Variants in RIMS2 observed in about 807,000 individuals in gnomAD.
RIMS2 encodes the protein regulating synaptic membrane exocytosis 2.
A neutral mutation model predicts 174.4 loss-of-function variants in RIMS2; 59 were observed. The ratio of observed to expected loss-of-function variants is 0.34; its 90% confidence interval spans 0.27 to 0.42. The LOEUF (loss-of-function observed/expected upper bound fraction) is 0.42. Among genes scored for constraint, RIMS2 ranks in the 10% least tolerant of loss-of-function variants. RIMS2 has a pLI of 1.00. For synonymous variants in RIMS2, 606 were observed against 572.5 expected (o/e 1.06, Z -0.84); for missense variants, 1,620 against 1,666.3 (o/e 0.97, Z 0.48).
At chr8:103,851,207 A>G (rs1175164245) in intron 3 of RIMS2, among the ~76,000 whole-genome samples, 1 of 151,948 alleles carries the variant, frequency 6.6e-6, no homozygotes, top group Non-Finnish European at 1.5e-5. Context: ...ACAGTTATAT[A>G]TCTAGTTTTC....
At chr8:104,220,106 C>A (rs1396597184) in intron 19 of RIMS2, among the ~76,000 whole-genome samples, 1 of 152,114 alleles carries the variant, frequency 6.6e-6, no homozygotes, top group Admixed American at 6.5e-5. Flanking sequence ...TCATTCAAGA[C>A]TAGAAGTCTC....
intron 1 of RIMS2, among the ~76,000 whole-genome samples, chr8:103,611,260 CT>C (rs1420823097): frequency 1.3e-5 from 2 of 151,898 alleles, no homozygotes; most frequent in African/African-American, 4.8e-5. Flanking sequence ...CTCTTTATGT[CT>C]TATTATACTA....
At position 103,706,077 on chromosome 8, in the gene RIMS2, G is replaced by C. The variant is rs2097221617; in HGVS notation, c.387+8781G>C. 4.6e-5 allele frequency among the ~76,000 whole-genome samples: 7 copies of C among 151,442 alleles called. No individual in the cohort carries two copies. In the South Asian group the frequency reaches 1.5e-3, roughly 32 times the overall value. On this transcript the variant is annotated intron_variant, in intron 2 of 23. Transcript: ENST00000504942. ...TTTTATTTTTAGTGGACCTATTATA[G>C]GTATTTCTTCGTCGTTTCTATTAGC...
At chr8:104,089,839 T>C (rs963615899) in intron 19 of RIMS2, among the ~76,000 whole-genome samples, 1 of 151,790 alleles carries the variant, frequency 6.6e-6, no homozygotes, top group African/African-American at 2.4e-5. Flanking sequence ...GTATTTTGAA[T>C]ATATTATTTT....
intron 1 of RIMS2, among the ~76,000 whole-genome samples, chr8:103,647,285 A>G (rs2096356899): frequency 6.6e-6 from 1 of 152,062 alleles, no homozygotes; most frequent in Non-Finnish European, 1.5e-5. Flanking sequence ...CATCAAGGAC[A>G]TTGCCTGAAG....
chr8:103,517,852 G>A (rs1432212231), intron 1 of RIMS2, among the ~76,000 whole-genome samples: 4 of 151,874 alleles, frequency 2.6e-5, no homozygotes, highest in African/African-American at 9.7e-5. Context: ...GGCTTCCCTA[G>A]GCCACACTGG....
chr8:103,636,915 C>T (rs540996518), intron 1 of RIMS2, among the ~76,000 whole-genome samples: 6 of 151,880 alleles, frequency 4.0e-5, no homozygotes, highest in African/African-American at 1.4e-4. Flanking sequence ...AAAGTTCTCA[C>T]CCAAGTTCTC....
intron 2 of RIMS2, among the ~76,000 whole-genome samples, chr8:103,743,053 C>T (rs187546527): frequency 6.6e-6 from 1 of 152,092 alleles, no homozygotes; most frequent in Non-Finnish European, 1.5e-5. Flanking sequence ...TCCTTTTATG[C>T]CCTCTTCCAA....
At chr8:103,582,001 G>A (rs551908810) in intron 1 of RIMS2, among the ~76,000 whole-genome samples, 1 of 152,340 alleles carries the variant, frequency 6.6e-6, no homozygotes, top group South Asian at 2.1e-4. Context: ...AGGCTACACA[G>A]CTTGTGGCTC....
chr8:103,783,814 C>T (rs1443945322), intron 3 of RIMS2, among the ~76,000 whole-genome samples: 2 of 150,968 alleles, frequency 1.3e-5, no homozygotes, highest in Non-Finnish European at 3.0e-5. Flanking sequence ...AATGGTATTT[C>T]CAGTTCTAGA....
intron 2 of RIMS2, among the ~76,000 whole-genome samples, chr8:103,755,676 A>T (rs1226281180): frequency 6.6e-6 from 1 of 151,596 alleles, no homozygotes; most frequent in Non-Finnish European, 1.5e-5. Context: ...CATTGAGTTG[A>T]TCTTCAATCT....
chr8:103,794,673 T>C (rs1172253322), intron 3 of RIMS2, among the ~76,000 whole-genome samples: 1 of 152,002 alleles, frequency 6.6e-6, no homozygotes, highest in Non-Finnish European at 1.5e-5. Flanking sequence ...AAAATTTTTA[T>C]AATCTACCCT....
chr8:104,043,064 A>C (rs1426951541), intron 19 of RIMS2, among the ~76,000 whole-genome samples: 1 of 151,692 alleles, frequency 6.6e-6, no homozygotes, highest in Non-Finnish European at 1.5e-5. Flanking sequence ...AAAGGGGTAC[A>C]ATCAGCAGAG....
chr8:103,861,882 T>A (rs2099060853), intron 3 of RIMS2, among the ~76,000 whole-genome samples: 1 of 152,082 alleles, frequency 6.6e-6, no homozygotes, highest in Non-Finnish European at 1.5e-5. Flanking sequence ...TAGATATTAG[T>A]CCTTTGTCAG....
chr8:104,042,309 G>A (rs986324837), intron 19 of RIMS2, among the ~76,000 whole-genome samples: 4 of 151,452 alleles, frequency 2.6e-5, no homozygotes, highest in Non-Finnish European at 5.9e-5. Context: ...CAAGTTTGGC[G>A]AAAGTAGGCA....
intron 1 of RIMS2, among the ~76,000 whole-genome samples, chr8:103,604,540 G>T (rs367576581): frequency 1.1e-4 from 16 of 149,876 alleles, no homozygotes; most frequent in Non-Finnish European, 1.8e-4. Flanking sequence ...GTGAAGAAAG[G>T]CATTGGTAGC....
intron 19 of RIMS2, among the ~76,000 whole-genome samples, chr8:104,112,956 G>A (rs1419681263): frequency 6.6e-6 from 1 of 152,148 alleles, no homozygotes; most frequent in Non-Finnish European, 1.5e-5. Flanking sequence ...GTAAAATTTA[G>A]TGCCCTTTTC....
chr8:104,209,504 T>G (rs2099095975), intron 19 of RIMS2, among the ~76,000 whole-genome samples: 1 of 152,216 alleles, frequency 6.6e-6, no homozygotes, highest in Admixed American at 6.5e-5. Flanking sequence ...ACCCTGACTA[T>G]CACCTCCCAC....
intron 2 of RIMS2, among the ~76,000 whole-genome samples, chr8:103,760,976 A>T (rs1001837192): frequency 1.3e-5 from 2 of 152,218 alleles, no homozygotes; most frequent in African/African-American, 2.4e-5. Flanking sequence ...TTATAGCTTC[A>T]TCTAAGTTTA....
Sources: allele counts gnomAD v4.1 joint callset (sites outside exome capture counted in the v4.1 genomes callset), GRCh38; gene constraint gnomAD v4.1.1; transcripts MANE v1.5; gene names NCBI Gene and HGNC (gene_info 2026-07-23, HGNC 2026-07-21).